The following DAB1 variants were observed in gnomAD, a reference collection of about 807,000 sequenced individuals.
DAB1 encodes disabled homolog 1.
Under a neutral mutation model 64.6 loss-of-function variants are expected in DAB1, and 15 were observed. The ratio of observed to expected loss-of-function variants is 0.23; its 90% CI spans 0.16 to 0.36. The LOEUF is 0.36. Ranked by LOEUF, DAB1 falls within the 10% of genes least tolerant of loss-of-function variation. The probability of loss-of-function intolerance (pLI) is 1.00; values close to 1 mark genes in which losing one functional copy is unlikely to be tolerated. For missense variants in DAB1, 596 were observed against 706.7 expected, an observed-to-expected ratio of 0.84 and a Z score of 1.78; for synonymous variants, 235 against 251.9, an observed-to-expected ratio of 0.93 and a Z score of 0.64.
At chr1:58,243,583 C>G (rs1043053990) in intron 4 of DAB1, among the ~76,000 whole-genome samples, 3 of 152,008 alleles carry the variant, frequency 2.0e-5, no homozygotes, top group Admixed American at 2.0e-4. Context: ...AAGGGAAGAG[C>G]CTAAATGTCA....
intron 2 of DAB1, among the ~76,000 whole-genome samples, chr1:57,285,574 CT>C (rs1177084814): frequency 6.6e-6 from 1 of 152,112 alleles, no homozygotes; most frequent in Non-Finnish European, 1.5e-5. Flanking sequence ...ACCCAGCCCC[CT>C]CACCTTTCTA....
At chr1:58,510,427 T>G (rs1444169566) in intron 2 of DAB1, among the ~76,000 whole-genome samples, 2 of 152,038 alleles carry the variant, frequency 1.3e-5, no homozygotes, top group Non-Finnish European at 2.9e-5. Flanking sequence ...TTAAACATCC[T>G]TTCATAATAA....
chr1:57,158,001 C>A (rs75787097), intron 2 of DAB1, among the ~76,000 whole-genome samples: 1 of 152,130 alleles, frequency 6.6e-6, no homozygotes, highest in Admixed American at 6.5e-5. Context: ...CCTTTGAGGT[C>A]GGAAGGCATC....
rs528153478 is a variant in DAB1, at chr1:58,205,215, C to G, written n.310-54627G>C. 1.8e-4 allele frequency among the ~76,000 whole-genome samples: 27 copies of G among 151,524 alleles called. No homozygotes were observed. In the South Asian group the frequency reaches 5.7e-3, roughly 32 times the overall value. Reference sequence around the variant, plus strand: ...ACAGACTTCCATCTGAGTGGGTTCACTCTGGACAACTCTTTCAGGCAAGAC... The same window carrying G: ...ACAGACTTCCATCTGAGTGGGTTCAGTCTGGACAACTCTTTCAGGCAAGAC... On this transcript the variant is annotated intron_variant and non_coding_transcript_variant, in intron 4 of 20. Transcript: ENST00000485760.
intron 7 of DAB1, among the ~76,000 whole-genome samples, chr1:57,434,379 C>G (rs1162077825): frequency 6.6e-6 from 1 of 152,120 alleles, no homozygotes; most frequent in Non-Finnish European, 1.5e-5. Flanking sequence ...AAAGACAAGT[C>G]AGACCCCAAA....
At chr1:57,239,233 T>C (rs1298038325) in intron 2 of DAB1, among the ~76,000 whole-genome samples, 2 of 152,194 alleles carry the variant, frequency 1.3e-5, no homozygotes, top group Non-Finnish European at 2.9e-5. Flanking sequence ...GAAATGCCTG[T>C]CCTGTCTCGT....
intron 6 of DAB1, among the ~76,000 whole-genome samples, chr1:57,655,099 C>T (rs748155683): frequency 3.3e-5 from 5 of 152,176 alleles, no homozygotes; most frequent in Admixed American, 6.5e-5. Context: ...CACTAGTTTT[C>T]TATTCCTGTG....
At chr1:57,594,018 C>G (rs1347747052) in intron 7 of DAB1, among the ~76,000 whole-genome samples, 4 of 152,116 alleles carry the variant, frequency 2.6e-5, no homozygotes, top group Admixed American at 2.6e-4. Context: ...AGGATGAATA[C>G]CATGAACTAC....
intron 2 of DAB1, among the ~76,000 whole-genome samples, chr1:57,276,555 C>T (rs1671484612): frequency 1.3e-5 from 2 of 152,196 alleles, no homozygotes; most frequent in South Asian, 4.1e-4. Context: ...GTAGCTTTTA[C>T]TCTAGAAGAG....
At chr1:58,248,979 T>C (rs573916820) in intron 4 of DAB1, among the ~76,000 whole-genome samples, 1 of 152,156 alleles carries the variant, frequency 6.6e-6, no homozygotes, top group East Asian at 1.9e-4. Context: ...CTAAAATGCA[T>C]TCATTGGAAC....
At position 57,733,884 on chromosome 1, in the gene DAB1, C is replaced by A. The variant is rs1046114045; in HGVS notation, n.552-84219G>T. Among the ~76,000 whole-genome samples the A allele has an allele frequency of 2.0e-5, 3 of 151,984 alleles. No homozygotes were observed. The South Asian group carries it at 6.2e-4, about 32-fold the overall frequency. On this transcript the variant is annotated intron_variant and non_coding_transcript_variant, in intron 6 of 20. Coordinates refer to the DAB1 transcript ENST00000485760. ...TTTGGGTGTCCTCCTGAAGAAGAAG[C>A]AGCACAGGGAAGGGAAATGATCAGG...
chr1:57,919,243 C>T (rs1382111571), intron 5 of DAB1, among the ~76,000 whole-genome samples: 1 of 152,192 alleles, frequency 6.6e-6, no homozygotes, highest in Non-Finnish European at 1.5e-5. Flanking sequence ...CAGATAGACA[C>T]TCAAAAACTG....
At chr1:57,098,678 A>G (rs1212155240) in intron 4 of DAB1, among the ~76,000 whole-genome samples, 1 of 152,204 alleles carries the variant, frequency 6.6e-6, no homozygotes, top group East Asian at 1.9e-4. Flanking sequence ...ATGAAAGATT[A>G]CAATTTAGGG....
intron 7 of DAB1, among the ~76,000 whole-genome samples, chr1:57,070,056 C>G (rs1490380048): frequency 1.3e-5 from 2 of 152,222 alleles, no homozygotes; most frequent in Admixed American, 6.5e-5. Context: ...CGGCCCTCAG[C>G]ATTCTAAAGC....
chr1:58,037,638 C>CCCCA lies in DAB1; in HGVS notation n.387+112869_387+112872dup, dbSNP rs1647065665. Among the ~76,000 whole-genome samples the CCCCA allele has an allele frequency of 2.0e-5, 3 of 152,092 alleles. No homozygotes were observed. The South Asian group carries it at 6.2e-4, about 32-fold the overall frequency. On this transcript the variant is annotated intron_variant and non_coding_transcript_variant, in intron 5 of 20. Transcript: ENST00000485760. ...CCCAAAACCATCCCCACCCTTCCAC[C>CCCCA]CCCACCCTGCTCCATGGAAAAACTG...
chr1:57,816,422 C>A (rs955461392), intron 6 of DAB1, among the ~76,000 whole-genome samples: 1 of 152,204 alleles, frequency 6.6e-6, no homozygotes, highest in South Asian at 2.1e-4. Flanking sequence ...GATAGAACAA[C>A]ACACAGCTCA....
At chr1:57,251,233 A>C (rs1669312744) in intron 2 of DAB1, among the ~76,000 whole-genome samples, 2 of 152,150 alleles carry the variant, frequency 1.3e-5, no homozygotes, top group Non-Finnish European at 2.9e-5. Context: ...GTAAATGTGA[A>C]ATTTCTTTTT....
At chr1:58,421,464 A>G (rs1393433765) in intron 3 of DAB1, among the ~76,000 whole-genome samples, 1 of 152,222 alleles carries the variant, frequency 6.6e-6, no homozygotes, top group Non-Finnish European at 1.5e-5. Context: ...TGGCAGAAAA[A>G]AAAGTTCTTA....
chr1:58,188,537 G>A (rs1441930651), intron 4 of DAB1, among the ~76,000 whole-genome samples: 3 of 152,102 alleles, frequency 2.0e-5, no homozygotes, highest in African/African-American at 7.2e-5. Context: ...TAACCCCTAA[G>A]GCCTGTCTAA....
Sources: allele counts gnomAD v4.1 joint callset (sites outside exome capture counted in the v4.1 genomes callset), GRCh38; gene constraint gnomAD v4.1.1; transcripts MANE v1.5; gene names NCBI Gene and HGNC (gene_info 2026-07-23, HGNC 2026-07-21).